The following MTDH variants were observed in gnomAD, a reference collection of about 807,000 sequenced individuals.
MTDH encodes the protein metadherin, also known as protein LYRIC.
In MTDH, 34 loss-of-function variants were observed where a neutral mutation model predicts 72.7. The observed-to-expected ratio is 0.47, with a 90% CI of 0.36 to 0.62. The LOEUF (loss-of-function observed/expected upper bound fraction) is 0.62, where lower values mean the gene tolerates loss of function less well. MTDH is among the 20% of genes least tolerant of loss of function. The pLI is 0.00. For missense variants in MTDH, 677 were observed against 699.4 expected (o/e 0.97, Z 0.36); for synonymous variants, 266 against 268.9 (o/e 0.99, Z 0.10).
At chr8:97,682,893 T>G (rs1057368442) in intron 2 of MTDH, among the ~76,000 whole-genome samples, 1 of 151,998 alleles carries the variant, frequency 6.6e-6, no homozygotes, top group African/African-American at 2.4e-5. Context: ...TAGAATGATT[T>G]AGCCCAAAGT....
At chr8:97,692,441 C>T (rs1813648081) in intron 6 of MTDH, among the ~76,000 whole-genome samples, 2 of 151,910 alleles carry the variant, frequency 1.3e-5, no homozygotes, top group Admixed American at 6.6e-5. Flanking sequence ...GGCATGATCT[C>T]GGCTCACAAC....
At chr8:97,660,731 A>G (rs1167224085) in intron 1 of MTDH, among the ~76,000 whole-genome samples, 1 of 152,154 alleles carries the variant, frequency 6.6e-6, no homozygotes, top group Non-Finnish European at 1.5e-5. Context: ...ACAATGAGTG[A>G]AATATTCTGA....
At chr8:97,706,493 C>T (rs1262543092) in intron 7 of MTDH, 133 bp from the exon 8 acceptor site, 3 of 700,260 alleles carry the variant, frequency 4.3e-6, no homozygotes, top group Non-Finnish European at 4.1e-6. Context: ...TTTTTTCTGG[C>T]TCTTAAAATG....
chr8:97,714,007 C>A (rs943177270), intron 9 of MTDH, among the ~76,000 whole-genome samples: 1 of 152,100 alleles, frequency 6.6e-6, no homozygotes, highest in African/African-American at 2.4e-5. Flanking sequence ...CCAAATTATT[C>A]ATGCATTTTT....
intron 7 of MTDH, among the ~76,000 whole-genome samples, chr8:97,703,387 G>C (rs1485756378): frequency 6.6e-6 from 1 of 152,124 alleles, no homozygotes; most frequent in Non-Finnish European, 1.5e-5. Context: ...CATTTTACTC[G>C]ATTTTTATTT....
chr8:97,689,013 T>C (rs755815553), intron 4 of MTDH, 25 bp from the exon 5 acceptor site: 2 of 1,336,394 alleles, frequency 1.5e-6, no homozygotes, highest in South Asian at 2.7e-5. Flanking sequence ...TAGTATTAAA[T>C]AAATTTTATT....
intron 2 of MTDH, among the ~76,000 whole-genome samples, chr8:97,678,572 T>A (rs1163316048): frequency 6.6e-6 from 1 of 151,058 alleles, no homozygotes; most frequent in Admixed American, 6.6e-5. Flanking sequence ...TCTCTCTGTT[T>A]CCTTTGCTTC....
intron 6 of MTDH, among the ~76,000 whole-genome samples, chr8:97,697,106 A>C (rs1311393583): frequency 1.5e-5 from 2 of 131,250 alleles, no homozygotes; most frequent in African/African-American, 6.4e-5. Flanking sequence ...TGACAGAGTG[A>C]GACTCTGTCT....
chr8:97,671,835 C>G (rs968973185), intron 2 of MTDH, among the ~76,000 whole-genome samples: 11 of 152,146 alleles, frequency 7.2e-5, no homozygotes, highest in African/African-American at 2.7e-4. Context: ...TAGAGCAAGA[C>G]CCCATCTCAA....
At chr8:97,684,822 C>G (rs1277389812) in intron 2 of MTDH, among the ~76,000 whole-genome samples, 1 of 152,218 alleles carries the variant, frequency 6.6e-6, no homozygotes, top group African/African-American at 2.4e-5. Context: ...ATAATCCCAA[C>G]ACTTTGGGAG....
intron 11 of MTDH, 138 bp from the exon 12 acceptor site, chr8:97,724,462 G>T: frequency 1.7e-6 from 1 of 573,924 alleles, no homozygotes. Flanking sequence ...AATATATAAC[G>T]AGGGCTTGAA....
intron 6 of MTDH, among the ~76,000 whole-genome samples, chr8:97,693,485 C>A (rs1042852206): frequency 6.6e-6 from 1 of 152,164 alleles, no homozygotes; most frequent in African/African-American, 2.4e-5. Flanking sequence ...AGGGGCCTGT[C>A]ACCACAACCG....
chr8:97,670,474 T>G (rs182517704), intron 2 of MTDH, among the ~76,000 whole-genome samples: 35 of 151,948 alleles, frequency 2.3e-4, no homozygotes, highest in African/African-American at 7.7e-4. Context: ...AAAAGAAAAT[T>G]AGCTGGGTGT....
At chr8:97,650,266 C>T (rs1811719189) in intron 1 of MTDH, among the ~76,000 whole-genome samples, 1 of 151,630 alleles carries the variant, frequency 6.6e-6, no homozygotes, top group Non-Finnish European at 1.5e-5. Flanking sequence ...AGTTTCTTTT[C>T]TTATTTTTAT....
intron 8 of MTDH, among the ~76,000 whole-genome samples, chr8:97,713,064 A>G (rs1278071484): frequency 6.6e-6 from 1 of 152,192 alleles, no homozygotes. Context: ...CTATTCAGTG[A>G]GTTTTTAATT....
rs1472793932 is a variant in MTDH at position 97,682,272 on chromosome 8, A to T, written c.484-4396A>T. Among the ~76,000 whole-genome samples the T allele has an allele frequency of 0.022, 132 of 6,120 alleles. 13 individuals are homozygous for T. The East Asian group carries it at 0.26, about 12-fold the overall frequency. 4.0% of individuals were successfully genotyped at this position (6,120 alleles called of 152,430 possible). On this transcript the variant is annotated intron_variant, in intron 2 of 11. Transcript: ENST00000336273. ...TATATATATATATATATATATATATATATATATATTTTTTTTTTTTTTTTT... is the reference window on the plus strand; with the variant it reads ...TATATATATATATATATATATATATTTATATATATTTTTTTTTTTTTTTTT...
At chr8:97,723,207 G>A (rs1295783798) in intron 11 of MTDH, among the ~76,000 whole-genome samples, 172 bp downstream of exon 11, 2 of 151,818 alleles carry the variant, frequency 1.3e-5, no homozygotes. Flanking sequence ...GACCATCCTG[G>A]CTAACATGGT....
intron 2 of MTDH, among the ~76,000 whole-genome samples, chr8:97,669,361 T>C (rs1032613883): frequency 3.9e-5 from 6 of 151,936 alleles, no homozygotes; most frequent in Admixed American, 1.3e-4. Flanking sequence ...TTAGCCAGGC[T>C]GGTCTAGAAC....
rs1024774487 is a variant in MTDH at position 97,644,389 on chromosome 8, G to C, written c.-118G>C. 38 of 1,357,674 alleles carry C rather than the reference G, an allele frequency of 2.8e-5. 1 individual carries two copies. The highest frequency in any genetic ancestry group is 3.3e-5 in the Non-Finnish European group (34 of 1,035,220). The allele number at this position is 1,357,674 out of a possible 1,614,324, so 84.1% of individuals were successfully genotyped here. On this transcript the variant is annotated 5_prime_UTR_variant, in exon 1 of 12. Transcript: ENST00000336273. ...GATCCCCGGCTCCGGCGCGAGGGAC[G>C]GCCGCGATGCGCTCGGCCTGAGGTT...
Sources: gnomAD v4.1 joint callset for allele counts (sites outside exome capture counted in the v4.1 genomes callset) on GRCh38, gnomAD v4.1.1 for gene constraint, MANE v1.5 for transcripts, NCBI Gene and HGNC (gene_info 2026-07-23, HGNC 2026-07-21) for gene names.